The following PIAS4 variants were observed in gnomAD, a reference collection of about 807,000 sequenced individuals.
PIAS4 encodes E3 SUMO-protein ligase PIAS4.
In PIAS4, 7 loss-of-function variants were observed where a neutral mutation model predicts 58.0. The observed-to-expected ratio is 0.12, with a 90% CI of 0.07 to 0.23. The LOEUF (loss-of-function observed/expected upper bound fraction) is 0.23. Among genes scored for constraint, PIAS4 ranks in the 10% least tolerant of loss-of-function variants. The probability of loss-of-function intolerance (pLI) is 1.00; values close to 1 mark genes in which losing one functional copy is unlikely to be tolerated. For synonymous variants in PIAS4, 364 were observed against 312.4 expected (o/e 1.17, Z -1.74); for missense variants, 550 against 709.5 (o/e 0.78, Z 2.55).
chr19:4,016,888 C>T (rs1007203456), intron 2 of PIAS4, among the ~76,000 whole-genome samples: 19 of 152,234 alleles, frequency 1.2e-4, no homozygotes, highest in Middle Eastern at 3.4e-3. Context: ...GAATGGTGGG[C>T]CCGGGGAAGG....
chr19:4,031,237 C>T (rs949137913), intron 7 of PIAS4, among the ~76,000 whole-genome samples: 2 of 152,212 alleles, frequency 1.3e-5, no homozygotes, highest in Non-Finnish European at 2.9e-5. Flanking sequence ...TGGAGCAGTG[C>T]TGGCACTGCC....
intron 7 of PIAS4, among the ~76,000 whole-genome samples, chr19:4,030,118 G>A (rs111459971): frequency 3.5e-5 from 5 of 143,714 alleles, no homozygotes; most frequent in East Asian, 4.4e-4. Context: ...CACCACGCCC[G>A]GCCCCAACTA....
rs951186663 is a variant in PIAS4, at chr19:4,013,781, A to T, written c.454+432A>T. On this transcript the variant is annotated intron_variant, in intron 2 of 10. Transcript: ENST00000262971. The surrounding 1 kb of genome is among the most constrained non-coding windows in gnomAD (Gnocchi z 5.1). The stretch of plus-strand genomic sequence containing the variant: ...CAGTCCCCAGGTCCTCATGGTGCGG[A>T]CTCCTGCACGGATTGCCTGGGCGTC... Among the ~76,000 whole-genome samples, 1 of 151,672 alleles carries T rather than the reference A, an allele frequency of 6.6e-6. No individual in the cohort carries two copies. Among genetic ancestry groups the T allele is most frequent in the Admixed American group, 6.6e-5 (1 of 15,242 alleles).
At chr19:4,035,530 C>T (rs1008526435) in intron 9 of PIAS4, among the ~76,000 whole-genome samples, 8 of 152,118 alleles carry the variant, frequency 5.3e-5, no homozygotes, top group African/African-American at 1.9e-4. Context: ...GTAAAAAGGC[C>T]GGACACAGTG....
At chr19:4,016,692 C>G (rs1452948386) in intron 2 of PIAS4, among the ~76,000 whole-genome samples, 1 of 152,136 alleles carries the variant, frequency 6.6e-6, no homozygotes, top group South Asian at 2.1e-4. Flanking sequence ...GGGTGACTCT[C>G]AAGAAGCCAG....
intron 2 of PIAS4, among the ~76,000 whole-genome samples, chr19:4,018,976 A>G (rs1308113439): frequency 1.3e-5 from 2 of 152,008 alleles, no homozygotes; most frequent in Non-Finnish European, 2.9e-5. Flanking sequence ...GGCCCTGAGC[A>G]GGGGTACTGA....
At chr19:4,028,211 C>A in intron 4 of PIAS4, 24 bp downstream of exon 4, 1 of 1,604,958 alleles carries the variant, frequency 6.2e-7, no homozygotes, top group Non-Finnish European at 8.5e-7. Flanking sequence ...TGCCCGCGAC[C>A]CCAGGGCTGG....
At chr19:4,027,674 C>T (rs2040180930) in intron 3 of PIAS4, among the ~76,000 whole-genome samples, 1 of 151,132 alleles carries the variant, frequency 6.6e-6, no homozygotes, top group Non-Finnish European at 1.5e-5. Flanking sequence ...GATCCCCCTG[C>T]CTCAGCCTCC....
chr19:4,017,424 G>A (rs1370926953), intron 2 of PIAS4, among the ~76,000 whole-genome samples: 1 of 152,080 alleles, frequency 6.6e-6, no homozygotes, highest in Non-Finnish European at 1.5e-5. Flanking sequence ...TAGAGTGGTC[G>A]GCATCACCCC....
chr19:4,026,994 C>T (rs1014885448), intron 3 of PIAS4, among the ~76,000 whole-genome samples: 3 of 147,196 alleles, frequency 2.0e-5, no homozygotes, highest in African/African-American at 7.5e-5. Context: ...ACTACAGGCA[C>T]CCGCCACCAC....
chr19:4,023,550 G>A (rs1412708531), intron 2 of PIAS4, among the ~76,000 whole-genome samples: 1 of 152,224 alleles, frequency 6.6e-6, no homozygotes, highest in Non-Finnish European at 1.5e-5. Context: ...TAAGAGGGTA[G>A]GGCCCAGGCT....
In PIAS4 at chr19:4,035,763, C is replaced by A. The variant is rs2040269126; in HGVS notation, c.1143-1611C>A. Among the ~76,000 whole-genome samples, 4 of 90,926 alleles carry A rather than the reference C, an allele frequency of 4.4e-5. No individual in the cohort carries two copies. The Admixed American group carries it at 4.5e-4, about 10-fold the overall frequency. The allele number at this position is 90,926 out of a possible 152,430, so 59.7% of individuals were successfully genotyped here. On this transcript the variant is annotated intron_variant, in intron 9 of 10. Coordinates refer to ENST00000262971, the MANE Select transcript of PIAS4 (RefSeq NM_015897.4). ...TACAGTCCACACCATCACACACACA[C>A]ACCCACACACATCCATACAGTCCAT...
chr19:4,010,832 G>A (rs574975134), intron 1 of PIAS4, among the ~76,000 whole-genome samples: 20 of 152,340 alleles, frequency 1.3e-4, no homozygotes, highest in African/African-American at 4.6e-4. Context: ...TTACAGTCAC[G>A]GGGCCCCGCA....
At chr19:4,008,321 G>A (rs1256304602) in intron 1 of PIAS4, among the ~76,000 whole-genome samples, 3 of 152,070 alleles carry the variant, frequency 2.0e-5, no homozygotes, top group Non-Finnish European at 2.9e-5. Flanking sequence ...CCGAGTCCTG[G>A]ATAGTGTCCT....
chr19:4,007,811 G>A, intron 1 of PIAS4, 24 bp downstream of exon 1: 6 of 1,209,198 alleles, frequency 5.0e-6, no homozygotes, highest in Non-Finnish European at 5.2e-6. Flanking sequence ...GGCGGCGCCG[G>A]CCGGGGCAAG....
chr19:4,033,639 G>C, intron 9 of PIAS4, 59 bp downstream of exon 9: 1 of 1,405,864 alleles, frequency 7.1e-7, no homozygotes, highest in Non-Finnish European at 9.6e-7. Context: ...GGTCTCGGTG[G>C]CACCCCGCTT....
At chr19:4,008,968 A>G (rs1393401602) in intron 1 of PIAS4, among the ~76,000 whole-genome samples, 1 of 152,162 alleles carries the variant, frequency 6.6e-6, no homozygotes, top group Non-Finnish European at 1.5e-5. Flanking sequence ...CATGTCCCAT[A>G]GATACCATCT....
At chr19:4,033,373 G>A (rs537389783) in intron 8 of PIAS4, 47 bp from the exon 9 acceptor site, 21 of 1,518,360 alleles carry the variant, frequency 1.4e-5, no homozygotes, top group Middle Eastern at 2.0e-4. Context: ...CCGGGCAGGC[G>A]GGCACAACAG....
At chr19:4,029,115 G>A (rs938934161) in intron 7 of PIAS4, 79 bp downstream of exon 7, 11 of 1,035,948 alleles carry the variant, frequency 1.1e-5, no homozygotes, top group Non-Finnish European at 1.6e-5. Context: ...GAAGCGGGGG[G>A]CCCTGCACCC....
Sources: allele counts gnomAD v4.1 joint callset (sites outside exome capture counted in the v4.1 genomes callset), GRCh38; gene constraint gnomAD v4.1.1; non-coding constraint Gnocchi (gnomAD v3.1); transcripts MANE v1.5; gene names NCBI Gene and HGNC (gene_info 2026-07-23, HGNC 2026-07-21).